The following NAV1 variants were observed in gnomAD, a reference collection of about 807,000 sequenced individuals.
NAV1 encodes the protein pore membrane and/or filament interacting like protein 3.
NAV1 carries 18 observed loss-of-function variants against 175.2 expected under a neutral mutation model. The observed-to-expected ratio is 0.10, with a 90% CI of 0.07 to 0.15. The LOEUF (loss-of-function observed/expected upper bound fraction) is 0.15, where lower values mean the gene tolerates loss of function less well. Ranked by LOEUF, NAV1 falls within the 10% of genes least tolerant of loss-of-function variation. NAV1 has a pLI of 1.00. For synonymous variants in NAV1, 897 were observed against 978.7 expected (o/e 0.92, Z 1.56); for missense variants, 1,731 against 2,436.6 (o/e 0.71, Z 6.10).
chr1:201,753,247 C>G (rs1674245603), intron 3 of NAV1, among the ~76,000 whole-genome samples: 1 of 152,138 alleles, frequency 6.6e-6, no homozygotes, highest in Admixed American at 6.5e-5. Context: ...ATACATACTG[C>G]AGTTTATCCT....
At chr1:201,727,261 T>C (rs1289320249) in intron 3 of NAV1, among the ~76,000 whole-genome samples, 1 of 152,200 alleles carries the variant, frequency 6.6e-6, no homozygotes, top group Non-Finnish European at 1.5e-5. Context: ...TAGATGATAA[T>C]ACATTCTTTG....
intron 2 of NAV1, among the ~76,000 whole-genome samples, chr1:201,617,001 T>C (rs1555936): frequency 0.13 from 19,119 of 152,138 alleles, 1,354 homozygotes; most frequent in East Asian, 0.22. Context: ...GTAAGTGCAA[T>C]GTTCTTTTGA....
intron 1 of NAV1, among the ~76,000 whole-genome samples, chr1:201,541,699 G>A (rs1000921775): frequency 6.6e-6 from 1 of 152,130 alleles, no homozygotes; most frequent in Non-Finnish European, 1.5e-5. Flanking sequence ...GCTTGAACCC[G>A]GGAGGCAGAG....
chr1:201,819,454 AT>A (rs11390244), intron 29 of NAV1, among the ~76,000 whole-genome samples: 299 of 132,586 alleles, frequency 2.3e-3, no homozygotes, highest in Admixed American at 3.5e-3. Flanking sequence ...CATGATCTAG[AT>A]TTTTTTTTTT....
At chr1:201,695,254 C>T (rs547437262) in intron 1 of NAV1, among the ~76,000 whole-genome samples, 1 of 152,368 alleles carries the variant, frequency 6.6e-6, no homozygotes, top group African/African-American at 2.4e-5. Flanking sequence ...CCTGCTCCTC[C>T]ACCGAGGGCT....
intron 2 of NAV1, among the ~76,000 whole-genome samples, chr1:201,608,863 G>A (rs942145313): frequency 2.0e-5 from 3 of 152,168 alleles, no homozygotes; most frequent in Admixed American, 6.5e-5. Flanking sequence ...GCTTGGCAGC[G>A]CTGTGCTGGC....
chr1:201,757,701 C>T (rs1674602457), intron 3 of NAV1, among the ~76,000 whole-genome samples: 1 of 152,224 alleles, frequency 6.6e-6, no homozygotes, highest in South Asian at 2.1e-4. Context: ...ATTCTGAGTT[C>T]ATTTTCATCC....
At chr1:201,642,521 C>CTTTCTTTCTTTCTTTCTTTTTCTTTT (rs1668805391) in intron 2 of NAV1, among the ~76,000 whole-genome samples, 5 of 97,872 alleles carry the variant, frequency 5.1e-5, no homozygotes, top group Admixed American at 3.7e-4. Context: ...CTCTTTCTTT[C>CTTTCTTTCTTTCTTTCTTTTTCTTTT]TTTTTTTCTT....
intron 2 of NAV1, among the ~76,000 whole-genome samples, chr1:201,612,389 G>A (rs1370007789): frequency 6.6e-6 from 1 of 152,238 alleles, no homozygotes; most frequent in Non-Finnish European, 1.5e-5. Flanking sequence ...AGGAGGCTGA[G>A]GATGCAGTGA....
chr1:201,613,890 T>C (rs188074270), intron 2 of NAV1, among the ~76,000 whole-genome samples: 1 of 152,234 alleles, frequency 6.6e-6, no homozygotes, highest in East Asian at 1.9e-4. Context: ...ACTTAGTCTT[T>C]ATAGCAACAC....
At chr1:201,726,358 T>C (rs920391061) in intron 3 of NAV1, among the ~76,000 whole-genome samples, 4 of 152,074 alleles carry the variant, frequency 2.6e-5, no homozygotes, top group Non-Finnish European at 4.4e-5. Context: ...AAATCTATTA[T>C]TCTGGTTGGG....
At chr1:201,786,676 G>C in intron 9 of NAV1, 99 bp downstream of exon 13, 1 of 1,209,928 alleles carries the variant, frequency 8.3e-7, no homozygotes, top group South Asian at 1.4e-5. Flanking sequence ...TCTCATGTTT[G>C]ACTCATGCTG....
At chr1:201,613,387 C>T (rs1667910315) in intron 2 of NAV1, among the ~76,000 whole-genome samples, 1 of 150,584 alleles carries the variant, frequency 6.6e-6, no homozygotes, top group Admixed American at 6.6e-5. Context: ...GTGAAACATT[C>T]TGGTGACAAT....
chr1:201,567,096 C>T (rs1666378155), intron 1 of NAV1, among the ~76,000 whole-genome samples: 1 of 151,820 alleles, frequency 6.6e-6, no homozygotes, highest in East Asian at 1.9e-4. Flanking sequence ...AAAAAATGAC[C>T]AGCTGCTCTT....
rs543135396 is a variant in NAV1, at chr1:201,789,487, C to T, written c.3167-253C>T. Reference sequence around the variant, plus strand: ...CTTTCCCTTCTCTGAAACCCCGTGCCCCTCAGAGCGGGCTAAGCAAGGGAC... The same window carrying T: ...CTTTCCCTTCTCTGAAACCCCGTGCTCCTCAGAGCGGGCTAAGCAAGGGAC... On this transcript the variant is annotated intron_variant, in intron 10 of 29. Coordinates refer to ENST00000367296, the Ensembl canonical transcript of NAV1. Among the ~76,000 whole-genome samples, 319 of 152,268 alleles carry T rather than the reference C, an allele frequency of 2.1e-3. 2 individuals carry two copies. The highest frequency in any genetic ancestry group is 7.4e-3 in the African/African-American group (308 of 41,552).
intron 1 of NAV1, among the ~76,000 whole-genome samples, chr1:201,568,992 G>A (rs900977040): frequency 6.6e-6 from 1 of 152,092 alleles, no homozygotes; most frequent in African/African-American, 2.4e-5. Flanking sequence ...GTGCAAGGTG[G>A]GGCCTTCTCA....
chr1:201,630,304 T>A (rs1668449406), intron 2 of NAV1, among the ~76,000 whole-genome samples: 1 of 152,188 alleles, frequency 6.6e-6, no homozygotes, highest in Admixed American at 6.5e-5. Flanking sequence ...TCCTTTACTT[T>A]CCCAGACAAA....
chr1:201,733,676 T>A (rs1672964969), intron 3 of NAV1, among the ~76,000 whole-genome samples: 1 of 152,102 alleles, frequency 6.6e-6, no homozygotes, highest in African/African-American at 2.4e-5. Flanking sequence ...AGGGAAGGCT[T>A]CTTTGATAAA....
At position 201,740,093 on chromosome 1, in the gene NAV1, C is replaced by T. The variant is rs191546066; in HGVS notation, c.1226+21338C>T. ...CCCCCGCAGGTAAGCGCCCCCACCC[C>T]CCTGGCCTCACCGCCAGACCGCAGA... On this transcript the variant is annotated intron_variant, in intron 3 of 29. Transcript: ENST00000367296. This position sits in a 1 kb window ranked among gnomAD's most constrained non-coding sequence, Gnocchi z 4.7. 4.3e-5 allele frequency: 62 copies of T among 1,442,268 alleles called. No homozygotes were observed. In the Admixed American group the frequency reaches 9.7e-4, roughly 23 times the overall value. 89.3% of individuals were successfully genotyped at this position (1,442,268 alleles called of 1,614,324 possible).
Sources: gnomAD v4.1 joint callset for allele counts (sites outside exome capture counted in the v4.1 genomes callset) on GRCh38, gnomAD v4.1.1 for gene constraint, Gnocchi (gnomAD v3.1) non-coding constraint, MANE v1.5 for transcripts, NCBI Gene and HGNC (gene_info 2026-07-23, HGNC 2026-07-21) for gene names.